CCT4: variants seen among roughly 807,000 people sequenced by gnomAD.
CCT4 encodes the protein T-complex protein 1 subunit delta.
Under a neutral mutation model 62.5 loss-of-function variants are expected in CCT4, and 17 were observed. The ratio of observed to expected loss-of-function variants is 0.27; its 90% CI spans 0.19 to 0.41. The LOEUF is 0.41. CCT4 is among the 10% of genes least tolerant of loss of function. The pLI, the probability that CCT4 is intolerant of heterozygous loss-of-function variation, is 1.00. For synonymous variants in CCT4, 250 were observed against 229.9 expected (o/e 1.09, Z -0.79); for missense variants, 592 against 659.2 (o/e 0.90, Z 1.12).
chr2:61,874,098 C>A (rs905085641), intron 8 of CCT4, among the ~76,000 whole-genome samples: 11 of 152,254 alleles, frequency 7.2e-5, no homozygotes, highest in African/African-American at 2.6e-4. Flanking sequence ...ATTTACACTT[C>A]CCCATGAACT....
At chr2:61,868,801 T>C (rs1445467071) in intron 13 of CCT4, 95 bp from the exon 14 acceptor site, 2 of 866,754 alleles carry the variant, frequency 2.3e-6, no homozygotes, top group Non-Finnish European at 2.0e-6. Context: ...AAACCTGTAT[T>C]AAGAACTGCT....
chr2:61,869,331 G>T, intron 13 of CCT4, 109 bp downstream of exon 13: 4 of 647,756 alleles, frequency 6.2e-6, no homozygotes, highest in Non-Finnish European at 1.1e-5. Flanking sequence ...GCAAAACTTT[G>T]TCTCAAAAAA....
In CCT4 at chr2:61,873,048, T is replaced by G. The variant is rs1207961459; in HGVS notation, c.1079A>C (p.Glu360Ala). ...ATTTAAATTGACCTCCTCAGCTAACTCAGCAGAACCCAGCATGTCAGCAGT... is the reference window on the plus strand; with the variant it reads ...ATTTAAATTGACCTCCTCAGCTAACGCAGCAGAACCCAGCATGTCAGCAGT... ...QFTADMLGSA[E>A]LAEEVNLNGS... The change falls in exon 10 of 14, where the codon GAG becomes GCG. Residue 360 changes from glutamate (E) to alanine (A), a missense_variant. This residue lies in a region of CCT4 where 522 missense variants were observed against 571.2 expected (regional missense o/e 0.91). Coordinates refer to ENST00000394440, the MANE Select transcript of CCT4 (RefSeq NM_006430.4). The G allele has an allele frequency of 6.2e-7, 1 of 1,613,362 alleles. No individual in the cohort carries two copies. The highest frequency in any genetic ancestry group is 1.1e-5 in the South Asian group (1 of 91,076).
chr2:61,871,163 C>G (rs548676478), intron 12 of CCT4, among the ~76,000 whole-genome samples: 63 of 151,800 alleles, frequency 4.2e-4, no homozygotes, highest in African/African-American at 1.5e-3. Context: ...TCCCGTGTAG[C>G]TGGGATTACA....
chr2:61,886,031 T>A lies in CCT4; in HGVS notation c.128-959A>T, dbSNP rs527919809. 4 of 152,350 alleles carry A rather than the reference T, an allele frequency of 2.6e-5. No homozygotes were observed. In the East Asian group the frequency reaches 7.7e-4, roughly 29 times the overall value. 9.4% of individuals were successfully genotyped at this position (152,350 alleles called of 1,614,324 possible). On this transcript the variant is annotated intron_variant, in intron 1 of 13. Coordinates refer to ENST00000394440, the MANE Select transcript of CCT4 (RefSeq NM_006430.4). ...GAGAGCAAAGACTTTTGTTCACTAA[T>A]GTGAACATGGTAGATAGGTGGCCCG...
At chr2:61,873,833 T>C (rs1668939590) in intron 8 of CCT4, among the ~76,000 whole-genome samples, 1 of 152,188 alleles carries the variant, frequency 6.6e-6, no homozygotes, top group Non-Finnish European at 1.5e-5. Context: ...CCTAAAGTGC[T>C]GGGATTACAG....
At chr2:61,878,840 T>C in intron 5 of CCT4, 29 bp downstream of exon 5, 1 of 1,550,448 alleles carries the variant, frequency 6.4e-7, no homozygotes, top group East Asian at 2.3e-5. Flanking sequence ...TTAACTAATT[T>C]GACAAGTATC....
chr2:61,880,524 T>C (rs1669089737), intron 3 of CCT4, 130 bp from the exon 4 acceptor site: 1 of 643,888 alleles, frequency 1.6e-6, no homozygotes, highest in Non-Finnish European at 2.7e-6. Flanking sequence ...TTCTTCTGAT[T>C]TGTTGTCTAC....
chr2:61,870,768 A>G (rs552878160), intron 12 of CCT4, among the ~76,000 whole-genome samples: 1 of 152,164 alleles, frequency 6.6e-6, no homozygotes, highest in South Asian at 2.1e-4. Flanking sequence ...AAAAATACAA[A>G]AAAATTAGCC....
intron 5 of CCT4, among the ~76,000 whole-genome samples, chr2:61,878,273 A>G (rs1333165227): frequency 6.6e-6 from 1 of 152,214 alleles, no homozygotes; most frequent in African/African-American, 2.4e-5. Flanking sequence ...GTTCCAAAGA[A>G]ATTTAAAAGC....
rs1428240516 is a variant in CCT4 at position 61,888,398 on chromosome 2, T to C, written c.110A>G (p.Asn37Ser). The change falls in exon 1 of 14, where the codon AAC (asparagine) becomes AGC (serine). Residue 37 changes from asparagine (N) to serine (S), a missense_variant. Around this residue, in one of 3 missense-constraint regions of CCT4, gnomAD observed 67 missense variants for 71.1 expected, o/e 0.94. Coordinates refer to ENST00000394440, the MANE Select transcript of CCT4 (RefSeq NM_006430.4). ...RDKPAQIRFS[N>S]ISAAKAVADA... ...AGTGATACCTTTGGCGGCGGAAATG[T>C]TGCTGAAGCGGATCTGGGCTGGCTT... 3.1e-6 allele frequency: 5 copies of C among 1,612,974 alleles called. No individual in the cohort carries two copies. In the African/African-American group the frequency reaches 4.0e-5, roughly 13 times the overall value.
chr2:61,871,747 G>A (rs1009423954), intron 12 of CCT4, among the ~76,000 whole-genome samples: 8 of 152,236 alleles, frequency 5.3e-5, no homozygotes, highest in South Asian at 4.1e-4. Flanking sequence ...CTAAGAGCTT[G>A]TTAACTAGAA....
In CCT4 at chr2:61,877,653, A is replaced by G. The variant is rs1459424693; in HGVS notation, c.523-139T>C. On this transcript the variant is annotated intron_variant, in intron 5 of 13. Transcript: ENST00000394440. ...TATGAAGAGGGAAACACTCATGAGAAGACAGTCCATAAAGTGTCTTTTCCA... is the reference window on the plus strand; with the variant it reads ...TATGAAGAGGGAAACACTCATGAGAGGACAGTCCATAAAGTGTCTTTTCCA... 6 of 584,358 alleles carry G rather than the reference A, an allele frequency of 1.0e-5. No homozygotes were observed. In the East Asian group the frequency reaches 1.8e-4, roughly 17 times the overall value. 36.2% of individuals were successfully genotyped at this position (584,358 alleles called of 1,614,324 possible). A position where few individuals can be genotyped will look rare whatever the true frequency, so the allele number is the denominator to read the frequency against.
At chr2:61,877,555 G>A (rs1314512206) in intron 5 of CCT4, 41 bp from the exon 6 acceptor site, 4 of 1,443,956 alleles carry the variant, frequency 2.8e-6, no homozygotes, top group South Asian at 2.7e-5. Flanking sequence ...CTTCACAGTA[G>A]AAAAAAGTCC....
intron 2 of CCT4, 142 bp from the exon 3 acceptor site, chr2:61,883,690 T>C: frequency 1.7e-6 from 1 of 586,316 alleles, no homozygotes; most frequent in Non-Finnish European, 3.0e-6. Flanking sequence ...AGCATAATAG[T>C]TTAAGAATAC....
At chr2:61,880,648 C>T (rs934677121) in intron 3 of CCT4, among the ~76,000 whole-genome samples, 2 of 152,088 alleles carry the variant, frequency 1.3e-5, no homozygotes, top group African/African-American at 2.4e-5. Context: ...AAAAATATAT[C>T]GTAAGTACTC....
chr2:61,879,747 CTT>C (rs543427076), intron 4 of CCT4, among the ~76,000 whole-genome samples: 12 of 144,530 alleles, frequency 8.3e-5, no homozygotes, highest in Non-Finnish European at 7.6e-5. Context: ...CCACTCATTT[CTT>C]TTTTTTTTTT....
At chr2:61,877,145 A>T in intron 6 of CCT4, 93 bp from the exon 7 acceptor site, 1 of 1,170,948 alleles carries the variant, frequency 8.5e-7, no homozygotes. Flanking sequence ...TCAGTCCAAT[A>T]AAATATGATT....
At position 61,876,082 on chromosome 2, in the gene CCT4, A is replaced by G. The variant is rs769481528; in HGVS notation, c.917+13T>C. On this transcript the variant is annotated intron_variant, in intron 8 of 13. Transcript: ENST00000394440. ...TTATCATTAAGGGATGAACAAAATAAATAGCCCCACACCTTAGAATAGATT... is the reference window on the plus strand; with the variant it reads ...TTATCATTAAGGGATGAACAAAATAGATAGCCCCACACCTTAGAATAGATT... 4 of 1,558,662 alleles carry G rather than the reference A, an allele frequency of 2.6e-6. No individual in the cohort carries two copies. In the South Asian group the frequency reaches 4.7e-5, roughly 18 times the overall value.
Sources: allele counts gnomAD v4.1 joint callset (sites outside exome capture counted in the v4.1 genomes callset), GRCh38; gene constraint gnomAD v4.1.1; regional missense constraint gnomAD v4.1.1; transcripts MANE v1.5; gene names NCBI Gene and HGNC (gene_info 2026-07-23, HGNC 2026-07-21).